The following NRBF2 variants were observed in gnomAD, a reference collection of about 807,000 sequenced individuals.
The protein encoded by NRBF2 is nuclear receptor binding factor 2.
NRBF2 carries 12 observed loss-of-function variants against 28.5 expected under a neutral mutation model. That is an observed-to-expected ratio of 0.42 (90% CI 0.27 to 0.68). The LOEUF (loss-of-function observed/expected upper bound fraction) is 0.68. Ranked by LOEUF, NRBF2 falls within the 30% of genes least tolerant of loss-of-function variation. The probability of loss-of-function intolerance (pLI) is 0.24; values close to 1 mark genes in which losing one functional copy is unlikely to be tolerated. For missense variants in NRBF2, 274 were observed against 333.5 expected, an observed-to-expected ratio of 0.82 and a Z score of 1.39; for synonymous variants, 102 against 116.5, an observed-to-expected ratio of 0.88 and a Z score of 0.80.
intron 2 of NRBF2, among the ~76,000 whole-genome samples, chr10:63,149,577 A>G (rs1034279559): frequency 6.6e-5 from 10 of 152,250 alleles, no homozygotes. Flanking sequence ...GAAATCCATG[A>G]ACATGGAATC....
intron 1 of NRBF2, 25 bp downstream of exon 1, chr10:63,133,525 T>C: frequency 5.1e-6 from 8 of 1,572,806 alleles, no homozygotes; most frequent in East Asian, 2.3e-5. Context: ...GAATATAGCG[T>C]TCGTCTTGGG....
chr10:63,141,787 G>A (rs1395361950), intron 1 of NRBF2, among the ~76,000 whole-genome samples: 2 of 152,196 alleles, frequency 1.3e-5, no homozygotes, highest in African/African-American at 4.8e-5. Flanking sequence ...GCTCTATAAC[G>A]AGTTTGCTGT....
intron 1 of NRBF2, among the ~76,000 whole-genome samples, chr10:63,142,780 C>CTTTCTTTTTTT (rs1554821458): frequency 1.3e-5 from 1 of 74,898 alleles, no homozygotes; most frequent in African/African-American, 5.8e-5. Flanking sequence ...TTCTTTCTTT[C>CTTTCTTTTTTT]TTTTTTTTTT....
chr10:63,137,943 A>G (rs1475867587), intron 1 of NRBF2, among the ~76,000 whole-genome samples: 3 of 152,114 alleles, frequency 2.0e-5, no homozygotes, highest in Non-Finnish European at 4.4e-5. Context: ...TATATTTTTT[A>G]TCTTTTCCTC....
chr10:63,139,467 A>C (rs76736113), intron 1 of NRBF2, among the ~76,000 whole-genome samples: 77 of 152,370 alleles, frequency 5.1e-4, no homozygotes, highest in African/African-American at 1.8e-3. Context: ...GGTACTTGTC[A>C]GTGATGGCAG....
intron 1 of NRBF2, among the ~76,000 whole-genome samples, chr10:63,142,311 G>GT (rs1026335259): frequency 1.6e-4 from 23 of 143,586 alleles, no homozygotes; most frequent in South Asian, 2.1e-4. Flanking sequence ...TGTTTTTTTT[G>GT]TTTTTTTTTG....
chr10:63,151,610 T>G (rs896434939), intron 2 of NRBF2, among the ~76,000 whole-genome samples: 3 of 152,218 alleles, frequency 2.0e-5, no homozygotes, highest in Non-Finnish European at 2.9e-5. Context: ...AGAAGTTTAT[T>G]GAAGGTCTTC....
chr10:63,150,848 G>A (rs1841637376), intron 2 of NRBF2, among the ~76,000 whole-genome samples: 1 of 152,204 alleles, frequency 6.6e-6, no homozygotes, highest in South Asian at 2.1e-4. Flanking sequence ...TTATCATAAG[G>A]AGAGTGCAAC....
chr10:63,140,705 C>A (rs1280143636), intron 1 of NRBF2, among the ~76,000 whole-genome samples: 10 of 144,964 alleles, frequency 6.9e-5, no homozygotes, highest in Admixed American at 6.9e-4. Flanking sequence ...CAGCCTATTA[C>A]TTTTTTTTTT....
chr10:63,134,108 A>G (rs897415466), intron 1 of NRBF2, among the ~76,000 whole-genome samples: 5 of 152,078 alleles, frequency 3.3e-5, no homozygotes, highest in Non-Finnish European at 7.4e-5. Flanking sequence ...GGAAAAAGAC[A>G]GCCGTTCCTG....
At position 63,143,561 on chromosome 10, in the gene NRBF2, G is replaced by A. The variant is rs146573907; in HGVS notation, c.31-2648G>A. 8.6e-5 allele frequency among the ~76,000 whole-genome samples: 13 copies of A among 151,680 alleles called. No homozygotes were observed. The East Asian group carries it at 2.0e-3, about 23-fold the overall frequency. On this transcript the variant is annotated intron_variant, in intron 1 of 3. Coordinates refer to ENST00000277746, the MANE Select transcript of NRBF2 (RefSeq NM_030759.5). ...CAACCTCTGCCTCCCGGGTTGAAGC[G>A]GCGATTCTCTTGCTTCAGCCTCCCG...
intron 3 of NRBF2, 73 bp downstream of exon 3, chr10:63,152,263 G>C: frequency 8.8e-7 from 1 of 1,137,016 alleles, no homozygotes. Flanking sequence ...TGTGTGTAAA[G>C]CAAAGCATTG....
At chr10:63,153,014 T>C (rs775048420) in intron 3 of NRBF2, among the ~76,000 whole-genome samples, 17 of 152,140 alleles carry the variant, frequency 1.1e-4, no homozygotes, top group Non-Finnish European at 2.5e-4. Context: ...ATATAAAATA[T>C]CTTTTTAAAA....
At chr10:63,143,966 C>G (rs1341583474) in intron 1 of NRBF2, among the ~76,000 whole-genome samples, 1 of 151,934 alleles carries the variant, frequency 6.6e-6, no homozygotes, top group East Asian at 1.9e-4. Flanking sequence ...CCATATTGCC[C>G]AGGCTTGTCT....
intron 1 of NRBF2, among the ~76,000 whole-genome samples, chr10:63,136,124 C>CTTTTTT (rs11334549): frequency 8.0e-6 from 1 of 125,006 alleles, no homozygotes. Context: ...AAAATTCAGA[C>CTTTTTT]TTTTTTTTTT....
chr10:63,133,460 C>A lies in NRBF2; in HGVS notation c.-11C>A. The A allele has an allele frequency of 6.2e-7, 1 of 1,611,970 alleles. No individual in the cohort carries two copies. Among genetic ancestry groups the A allele is most frequent in the South Asian group, 1.1e-5 (1 of 91,002 alleles). Reference sequence around the variant, plus strand: ...CTCCCCTTCCTAAGGCCGCCGCTTACCCCGGGGTCTATGGAAGTAATGGAA... The same window carrying A: ...CTCCCCTTCCTAAGGCCGCCGCTTAACCCGGGGTCTATGGAAGTAATGGAA... On this transcript the variant is annotated 5_prime_UTR_variant, in exon 1 of 4. An upstream open reading frame in the 5' UTR gains an earlier in-frame stop. Coordinates refer to ENST00000277746, the MANE Select transcript of NRBF2 (RefSeq NM_030759.5).
chr10:63,141,564 C>G (rs536184021), intron 1 of NRBF2, among the ~76,000 whole-genome samples: 1 of 152,338 alleles, frequency 6.6e-6, no homozygotes, highest in Non-Finnish European at 1.5e-5. Flanking sequence ...AGGGCTATAT[C>G]GAGTATGTAC....
chr10:63,133,425 G>C lies in NRBF2; in HGVS notation c.-46G>C, dbSNP rs752246906. ...CCTTGCAGTCCCCTCCATGTTCCCCGGCGCCACTACTCCCCTTCCTAAGGC... is the reference window on the plus strand; with the variant it reads ...CCTTGCAGTCCCCTCCATGTTCCCCCGCGCCACTACTCCCCTTCCTAAGGC... On this transcript the variant is annotated 5_prime_UTR_variant, in exon 1 of 4. Transcript: ENST00000277746. The C allele has an allele frequency of 1.9e-6, 3 of 1,609,422 alleles. No homozygotes were observed. The highest frequency in any genetic ancestry group is 3.4e-5 in the Admixed American group (2 of 59,634).
At chr10:63,150,310 A>G (rs749488540) in intron 2 of NRBF2, 3 of 889,376 alleles carry the variant, frequency 3.4e-6, no homozygotes, top group African/African-American at 3.6e-5. Flanking sequence ...CTGTACAGAC[A>G]TACTACAGGA....
Sources: allele counts gnomAD v4.1 joint callset (sites outside exome capture counted in the v4.1 genomes callset), GRCh38; gene constraint gnomAD v4.1.1; transcripts MANE v1.5; gene names NCBI Gene and HGNC (gene_info 2026-07-23, HGNC 2026-07-21).